Variants in ADAMTS15 observed in about 807,000 individuals in gnomAD.
The protein encoded by ADAMTS15 is ADAM metallopeptidase with thrombospondin type 1 motif 15.
ADAMTS15 carries 35 observed loss-of-function variants against 79.1 expected under a neutral mutation model. That is an observed-to-expected ratio of 0.44 (90% confidence interval 0.34 to 0.59). The LOEUF (loss-of-function observed/expected upper bound fraction) is 0.59. Ranked by LOEUF, ADAMTS15 falls within the 20% of genes least tolerant of loss-of-function variation. The pLI is 0.02. For missense variants in ADAMTS15, 1,324 were observed against 1,318.7 expected (o/e 1.00, Z -0.06); for synonymous variants, 616 against 567.3 (o/e 1.09, Z -1.22).
chr11:130,448,907 C>T lies in ADAMTS15; in HGVS notation c.-67C>T, dbSNP rs1937888435. The T allele has an allele frequency of 7.8e-7, 1 of 1,289,252 alleles. No individual in the cohort carries two copies. Among genetic ancestry groups the T allele is most frequent in the Non-Finnish European group, 1.0e-6 (1 of 977,736 alleles). The allele number at this position is 1,289,252 out of a possible 1,614,324, so 79.9% of individuals were successfully genotyped here. ...TTCCAGAGTGCGGGCTGCACGGAGA[C>T]CGCGGCAGCGGCCGGAGAGCCCGGC... On this transcript the variant is annotated 5_prime_UTR_variant, in exon 1 of 8. Transcript: ENST00000299164.
chr11:130,473,646 C>G lies in ADAMTS15; in HGVS notation c.2678C>G (p.Pro893Arg). 3.7e-6 allele frequency: 6 copies of G among 1,607,414 alleles called. No individual in the cohort carries two copies. Among genetic ancestry groups the G allele is most frequent in the Non-Finnish European group, 5.1e-6 (6 of 1,179,870 alleles). Residue 893 changes from proline to arginine, a missense_variant, in exon 8 of 8, where the codon CCC becomes CGC. Pro to Arg is a moderately radical substitution (Grantham distance 103). Coordinates refer to ENST00000299164, the MANE Select transcript of ADAMTS15 (RefSeq NM_139055.4). ...GTGGAGACACAAGCCTGCGGGGAGC[C>G]CTGCCCCACCTGGGAGCTCAGCGCC... Reference protein sequence around the residue: ...RPVETQACGEPCPTWELSAWS... With the variant: ...RPVETQACGERCPTWELSAWS...
intron 5 of ADAMTS15, among the ~76,000 whole-genome samples, chr11:130,470,183 T>TATATATATAC (rs1565397829): frequency 2.5e-5 from 1 of 39,848 alleles, no homozygotes; most frequent in Non-Finnish European, 4.8e-5. Context: ...TATATATATG[T>TATATATATAC]GTGTATATAT....
At position 130,474,038 on chromosome 11, in the gene ADAMTS15, C is replaced by G. The variant is rs1938526259; in HGVS notation, c.*217C>G. ...AACTCCCGCACAGTCTACCTCAGGC[C>G]CCGCTCCTCGGGCCGGTTGCGGGGA... On this transcript the variant is annotated 3_prime_UTR_variant, in exon 8 of 8. Coordinates refer to ENST00000299164, the MANE Select transcript of ADAMTS15 (RefSeq NM_139055.4). The G allele has an allele frequency of 3.2e-6, 2 of 617,194 alleles. No homozygotes were observed. Among genetic ancestry groups the G allele is most frequent in the South Asian group, 6.4e-5 (2 of 31,190 alleles). 38.2% of individuals were successfully genotyped at this position (617,194 alleles called of 1,614,324 possible).
chr11:130,450,278 G>A (rs1183954445), intron 1 of ADAMTS15: 2 of 985,388 alleles, frequency 2.0e-6, no homozygotes, highest in African/African-American at 1.7e-5. Context: ...GACGCCGTGA[G>A]GATGGTGTTG....
intron 7 of ADAMTS15, 123 bp downstream of exon 7, chr11:130,471,506 G>T: frequency 9.1e-7 from 1 of 1,093,378 alleles, no homozygotes; most frequent in Non-Finnish European, 1.3e-6. Context: ...CCTTGCTGCA[G>T]AGGCCACCCA....
intron 4 of ADAMTS15, among the ~76,000 whole-genome samples, chr11:130,464,891 C>T (rs534250082): frequency 6.0e-5 from 9 of 150,534 alleles, no homozygotes; most frequent in South Asian, 2.1e-4. Flanking sequence ...GGCTTGAACA[C>T]GGGAGGCAGA....
At position 130,471,400 on chromosome 11, in the gene ADAMTS15, G is replaced by T; in HGVS notation, c.2078+17G>T. The T allele has an allele frequency of 6.3e-7, 1 of 1,595,484 alleles. No homozygotes were observed. Among genetic ancestry groups the T allele is most frequent in the Non-Finnish European group, 8.5e-7 (1 of 1,175,820 alleles). On this transcript the variant is annotated intron_variant, in intron 7 of 7. Transcript: ENST00000299164. ...CAAGCCCATGTGAGTTCTGGGCCCTGAAGGTCCTGCCAGGGAGCAAAGGGA... is the reference window on the plus strand; with the variant it reads ...CAAGCCCATGTGAGTTCTGGGCCCTTAAGGTCCTGCCAGGGAGCAAAGGGA...
At chr11:130,469,128 A>G (rs1044967577) in intron 4 of ADAMTS15, 134 bp from the exon 5 acceptor site, 2 of 905,012 alleles carry the variant, frequency 2.2e-6, no homozygotes, top group South Asian at 4.4e-5. Context: ...TTTTTCCTTC[A>G]TGATACAACA....
In ADAMTS15 at chr11:130,459,025, G is replaced by GTTT. The variant is rs757221690; in HGVS notation, c.958-2440_958-2438dup. Among the ~76,000 whole-genome samples, 73 of 75,406 alleles carry GTTT rather than the reference G, an allele frequency of 9.7e-4. 7 individuals are homozygous for GTTT. The highest frequency in any genetic ancestry group is 1.3e-3 in the African/African-American group (20 of 15,324). The allele number at this position is 75,406 out of a possible 152,430, so 49.5% of individuals were successfully genotyped here. ...GTCGGGTGAAGGTCCCCTCCCAAGT[G>GTTT]TTTTTTTTTTTTTTTTTTTTTTTTT... On this transcript the variant is annotated intron_variant, in intron 1 of 7. Transcript: ENST00000299164.
rs907862286 is a variant in ADAMTS15, at chr11:130,472,080, A to G, written c.2078+697A>G. 2.6e-5 allele frequency among the ~76,000 whole-genome samples: 4 copies of G among 152,244 alleles called. No individual in the cohort carries two copies. The highest frequency in any genetic ancestry group is 9.6e-5 in the African/African-American group (4 of 41,468). ...TCCCAGCTTGAGCTTCCTGAGGTCA[A>G]ACATATGCTCCTTGGAAAGCCCTGA... On this transcript the variant is annotated intron_variant, in intron 7 of 7. Transcript: ENST00000299164. This position sits in a 1 kb window ranked among gnomAD's most constrained non-coding sequence, Gnocchi z 4.7.
chr11:130,450,115 T>C, intron 1 of ADAMTS15, 185 bp downstream of exon 1: 1 of 985,474 alleles, frequency 1.0e-6, no homozygotes, highest in Non-Finnish European at 1.2e-6. Context: ...GAGCGGCGGC[T>C]CACGTGCATC....
At chr11:130,450,527 G>GAGCAT in intron 1 of ADAMTS15, 1 of 767,616 alleles carries the variant, frequency 1.3e-6, no homozygotes, top group Non-Finnish European at 1.6e-6. Context: ...CAAGTACTGC[G>GAGCAT]AGCATCCCTC....
intron 1 of ADAMTS15, among the ~76,000 whole-genome samples, chr11:130,453,910 C>T (rs7109513): frequency 0.38 from 58,314 of 151,934 alleles, 11,342 homozygotes; most frequent in Middle Eastern, 0.41. Flanking sequence ...ATCTTTCTCA[C>T]CTCAGTCTCC....
intron 5 of ADAMTS15, among the ~76,000 whole-genome samples, chr11:130,470,138 ATATATATATATATGTG>A (rs1565397534): frequency 8.5e-4 from 57 of 66,814 alleles, no homozygotes; most frequent in African/African-American, 2.9e-3. Context: ...ATATACATAT[ATATATATATATATGTG>A]TATATATATA....
At chr11:130,470,408 G>A (rs1938426766) in intron 5 of ADAMTS15, among the ~76,000 whole-genome samples, 1 of 150,972 alleles carries the variant, frequency 6.6e-6, no homozygotes, top group African/African-American at 2.4e-5. Context: ...GTACAGATGG[G>A]GTTTCACCAT....
intron 1 of ADAMTS15, among the ~76,000 whole-genome samples, chr11:130,460,096 C>T (rs1355689432): frequency 6.6e-6 from 1 of 152,194 alleles, no homozygotes; most frequent in East Asian, 1.9e-4. Context: ...GAACTATAGG[C>T]ATGAGCCTAG....
intron 4 of ADAMTS15, among the ~76,000 whole-genome samples, chr11:130,466,507 A>G (rs1938302472): frequency 6.6e-6 from 1 of 152,096 alleles, no homozygotes; most frequent in Non-Finnish European, 1.5e-5. Flanking sequence ...CACATGCTTC[A>G]CACCCTGTAT....
At chr11:130,464,717 A>G (rs892011014) in intron 4 of ADAMTS15, among the ~76,000 whole-genome samples, 5 of 152,172 alleles carry the variant, frequency 3.3e-5, no homozygotes, top group African/African-American at 1.2e-4. Flanking sequence ...TTGTAATCTC[A>G]GCACTTTGGG....
intron 5 of ADAMTS15, among the ~76,000 whole-genome samples, chr11:130,469,761 A>T (rs1007006276): frequency 8.5e-5 from 13 of 152,142 alleles, no homozygotes; most frequent in Admixed American, 2.6e-4. Context: ...ATGATACACT[A>T]GAAGTCCTCT....
Sources: allele counts gnomAD v4.1 joint callset (sites outside exome capture counted in the v4.1 genomes callset), GRCh38; gene constraint gnomAD v4.1.1; non-coding constraint Gnocchi (gnomAD v3.1); transcripts MANE v1.5; gene names NCBI Gene and HGNC (gene_info 2026-07-23, HGNC 2026-07-21).